SDK1: variants seen among roughly 807,000 people sequenced by gnomAD.
SDK1 encodes the protein protein sidekick-1.
SDK1 carries 157 observed loss-of-function variants against 245.5 expected under a neutral mutation model. The observed-to-expected ratio is 0.64, with a 90% CI of 0.56 to 0.73. SDK1 has a LOEUF of 0.73. Ranked by LOEUF, SDK1 falls within the 30% of genes least tolerant of loss-of-function variation. SDK1 has a pLI of 0.00. For missense variants in SDK1, 3,583 were observed against 3,002.3 expected (o/e 1.19, Z -4.52); for synonymous variants, 1,647 against 1,278.5 (o/e 1.29, Z -6.15).
chr7:4,097,260 C>CTCTTCTGCT (rs879642937), intron 22 of SDK1, among the ~76,000 whole-genome samples: 45,243 of 151,666 alleles, frequency 0.3, 7,997 homozygotes, highest in African/African-American at 0.5. Flanking sequence ...AAGCAGACAG[C>CTCTTCTGCT]TCCTGTACGG....
chr7:3,979,927 G>C lies in SDK1; in HGVS notation c.1994+5382G>C, dbSNP rs1016090366. ...CTAATTCTCATGGGCCTGGAGTACAGAGAAAACCCAATTTACAGAGCTGAC... is the reference window on the plus strand; with the variant it reads ...CTAATTCTCATGGGCCTGGAGTACACAGAAAACCCAATTTACAGAGCTGAC... On this transcript the variant is annotated intron_variant, in intron 13 of 44. Coordinates refer to ENST00000404826, the MANE Select transcript of SDK1 (RefSeq NM_152744.4). 7.9e-5 allele frequency among the ~76,000 whole-genome samples: 12 copies of C among 152,176 alleles called. No homozygotes were observed. In the South Asian group the frequency reaches 1.2e-3, roughly 16 times the overall value.
chr7:3,975,683 G>A (rs184110543), intron 13 of SDK1, among the ~76,000 whole-genome samples: 28 of 152,354 alleles, frequency 1.8e-4, no homozygotes, highest in Non-Finnish European at 3.1e-4. Context: ...AAAGGTTCAC[G>A]ATGTGTAGCA....
At chr7:3,307,509 C>A (rs7810714) in intron 1 of SDK1, among the ~76,000 whole-genome samples, 5 of 152,132 alleles carry the variant, frequency 3.3e-5, no homozygotes, top group African/African-American at 1.2e-4. Context: ...AATCCAAATA[C>A]AAAAATCATG....
At chr7:4,007,806 G>A (rs765607084) in intron 14 of SDK1, among the ~76,000 whole-genome samples, 4 of 151,830 alleles carry the variant, frequency 2.6e-5, no homozygotes, top group South Asian at 4.2e-4. Context: ...GGGTTTCACC[G>A]TCTTGGCCAG....
At chr7:3,351,003 C>CTACA (rs1305068602) in intron 1 of SDK1, among the ~76,000 whole-genome samples, 1 of 151,910 alleles carries the variant, frequency 6.6e-6, no homozygotes, top group Non-Finnish European at 1.5e-5. Flanking sequence ...ATATCTGATA[C>CTACA]TACATACATA....
intron 1 of SDK1, among the ~76,000 whole-genome samples, chr7:3,606,278 C>T (rs916190390): frequency 6.6e-6 from 1 of 152,162 alleles, no homozygotes; most frequent in Admixed American, 6.5e-5. Flanking sequence ...ACCATTGCCA[C>T]CTTTACTGCA....
chr7:3,805,209 T>A (rs1779211371), intron 4 of SDK1, among the ~76,000 whole-genome samples: 1 of 152,258 alleles, frequency 6.6e-6, no homozygotes, highest in Non-Finnish European at 1.5e-5. Context: ...GTTTTTTGTA[T>A]GTGTATCTTG....
chr7:3,537,085 G>GT (rs1281082091), intron 1 of SDK1, among the ~76,000 whole-genome samples: 10 of 152,046 alleles, frequency 6.6e-5, no homozygotes, highest in African/African-American at 2.4e-4. Flanking sequence ...AAACATTCCA[G>GT]TAATCTCATA....
intron 1 of SDK1, among the ~76,000 whole-genome samples, chr7:3,605,895 T>C (rs1781408919): frequency 6.6e-6 from 1 of 152,206 alleles, no homozygotes; most frequent in Non-Finnish European, 1.5e-5. Context: ...GACAAAAGTT[T>C]TTTTTTTAAT....
chr7:4,232,949 CATACATACAT>C (rs1234655317), intron 40 of SDK1: 1 of 229,286 alleles, frequency 4.4e-6, no homozygotes, highest in Non-Finnish European at 8.5e-6. Flanking sequence ...TATAATAAAT[CATACATACAT>C]ATATTTACTG....
chr7:4,051,540 T>A (rs1474920810), intron 18 of SDK1, 98 bp from the exon 19 acceptor site: 1 of 1,073,520 alleles, frequency 9.3e-7, no homozygotes, highest in Non-Finnish European at 1.3e-6. Context: ...TAATTATGAC[T>A]TTACATTTTA....
At chr7:3,394,338 C>T (rs1253986734) in intron 1 of SDK1, among the ~76,000 whole-genome samples, 1 of 152,064 alleles carries the variant, frequency 6.6e-6, no homozygotes, top group Non-Finnish European at 1.5e-5. Context: ...TGTTAAAAAT[C>T]AGTGGATAAT....
intron 4 of SDK1, among the ~76,000 whole-genome samples, chr7:3,703,250 G>A (rs939389413): frequency 6.6e-6 from 1 of 152,054 alleles, no homozygotes; most frequent in Non-Finnish European, 1.5e-5. Context: ...TACAAATTAT[G>A]GTGCATTCAT....
chr7:3,611,561 C>A (rs1781590114), intron 1 of SDK1, among the ~76,000 whole-genome samples: 1 of 151,976 alleles, frequency 6.6e-6, no homozygotes, highest in South Asian at 2.1e-4. Flanking sequence ...GGGTAGATAC[C>A]CAGGAGTGGG....
In SDK1 at chr7:3,484,468, C is replaced by T. The variant is rs186543506; in HGVS notation, c.299-134612C>T. ...CTAGTTCCCCATGTAGACCGAGGAACGGCTATATTTTCAGTTTGGTTGGAA... is the reference window on the plus strand; with the variant it reads ...CTAGTTCCCCATGTAGACCGAGGAATGGCTATATTTTCAGTTTGGTTGGAA... On this transcript the variant is annotated intron_variant, in intron 1 of 44. Transcript: ENST00000404826. Among the ~76,000 whole-genome samples the T allele has an allele frequency of 3.9e-5, 6 of 152,276 alleles. No individual in the cohort carries two copies. In the East Asian group the frequency reaches 5.8e-4, roughly 15 times the overall value.
intron 4 of SDK1, among the ~76,000 whole-genome samples, chr7:3,790,990 G>T (rs1781064107): frequency 6.6e-6 from 1 of 152,090 alleles, no homozygotes; most frequent in Non-Finnish European, 1.5e-5. Flanking sequence ...CACTTGCTGT[G>T]TGACCTTGGG....
intron 4 of SDK1, among the ~76,000 whole-genome samples, chr7:3,784,389 G>C (rs753635895): frequency 2.6e-5 from 4 of 151,960 alleles, no homozygotes; most frequent in Non-Finnish European, 5.9e-5. Flanking sequence ...ATGGATTAAA[G>C]TCTTAAATAT....
chr7:3,874,188 C>T (rs1325448373), intron 5 of SDK1, among the ~76,000 whole-genome samples: 1 of 152,150 alleles, frequency 6.6e-6, no homozygotes, highest in Non-Finnish European at 1.5e-5. Flanking sequence ...GCCATGGTTA[C>T]CCTCATTCTA....
intron 19 of SDK1, among the ~76,000 whole-genome samples, chr7:4,065,217 G>C (rs1428251556): frequency 1.3e-5 from 2 of 152,108 alleles, no homozygotes; most frequent in African/African-American, 4.8e-5. Context: ...AGAAAGTAAA[G>C]AAAGCTTCAG....
Sources: gnomAD v4.1 joint callset for allele counts (sites outside exome capture counted in the v4.1 genomes callset) on GRCh38, gnomAD v4.1.1 for gene constraint, MANE v1.5 for transcripts, NCBI Gene and HGNC (gene_info 2026-07-23, HGNC 2026-07-21) for gene names.